The following PTPRK variants were observed in gnomAD, a reference collection of about 807,000 sequenced individuals.
The protein encoded by PTPRK is protein tyrosine phosphatase receptor type K.
In PTPRK, 75 loss-of-function variants were observed where a neutral mutation model predicts 178.0. The ratio of observed to expected loss-of-function variants is 0.42; its 90% CI spans 0.35 to 0.51. The LOEUF is 0.51. Among genes scored for constraint, PTPRK ranks in the 20% least tolerant of loss-of-function variants. PTPRK has a pLI of 0.02. For missense variants in PTPRK, 1,441 were observed against 1,797.8 expected, an observed-to-expected ratio of 0.80 and a Z score of 3.59; for synonymous variants, 637 against 620.6, an observed-to-expected ratio of 1.03 and a Z score of -0.39.
In PTPRK at chr6:128,202,332, C is replaced by A. The variant is rs115615770; in HGVS notation, c.868+16590G>T. Among the ~76,000 whole-genome samples the A allele has an allele frequency of 5.9e-3, 904 of 152,294 alleles. 7 individuals carry two copies. Among genetic ancestry groups the A allele is most frequent in the African/African-American group, 0.021 (872 of 41,562 alleles). ...ACGCTTCTCCCGTAAATATTTGCAACCTGCAGATCAGGAGATCCCCTTGTA... is the reference window on the plus strand; with the variant it reads ...ACGCTTCTCCCGTAAATATTTGCAAACTGCAGATCAGGAGATCCCCTTGTA... On this transcript the variant is annotated intron_variant, in intron 6 of 29. Transcript: ENST00000368226.
intron 7 of PTPRK, among the ~76,000 whole-genome samples, chr6:128,139,013 A>G (rs1193647171): frequency 8.5e-5 from 13 of 152,134 alleles, no homozygotes; most frequent in African/African-American, 2.9e-4. Flanking sequence ...GGAATCTATC[A>G]GTGAAAGTTC....
chr6:128,496,550 G>C (rs1854686699), intron 1 of PTPRK, among the ~76,000 whole-genome samples: 1 of 152,174 alleles, frequency 6.6e-6, no homozygotes, highest in Admixed American at 6.5e-5. Context: ...TTAAGACCTT[G>C]AGATGTGAGA....
intron 1 of PTPRK, among the ~76,000 whole-genome samples, chr6:128,429,233 A>T (rs749127717): frequency 5.9e-5 from 9 of 152,212 alleles, no homozygotes; most frequent in Non-Finnish European, 1.2e-4. Context: ...CGAAATTCTT[A>T]GAATTCTATG....
intron 6 of PTPRK, among the ~76,000 whole-genome samples, chr6:128,213,576 C>G (rs553231456): frequency 1.3e-5 from 2 of 152,044 alleles, no homozygotes; most frequent in African/African-American, 4.8e-5. Flanking sequence ...AAAGGGATCT[C>G]AAGTCACCAT....
intron 1 of PTPRK, among the ~76,000 whole-genome samples, chr6:128,479,641 T>A (rs1478698040): frequency 6.6e-6 from 1 of 152,124 alleles, no homozygotes; most frequent in African/African-American, 2.4e-5. Context: ...TTCACTTGGA[T>A]AGATGGTAAA....
intron 2 of PTPRK, among the ~76,000 whole-genome samples, chr6:128,391,508 T>G (rs1486667656): frequency 6.6e-6 from 1 of 152,192 alleles, no homozygotes; most frequent in Non-Finnish European, 1.5e-5. Context: ...CAGAACTTTA[T>G]TCTACCAATC....
chr6:128,232,111 T>C (rs1434868219), intron 5 of PTPRK: 2 of 152,310 alleles, frequency 1.3e-5, no homozygotes, highest in East Asian at 3.9e-4. Flanking sequence ...ATGGTGAACC[T>C]TCCACTTCAG....
intron 7 of PTPRK, among the ~76,000 whole-genome samples, chr6:128,126,901 A>G (rs899171280): frequency 6.6e-6 from 1 of 152,234 alleles, no homozygotes; most frequent in Non-Finnish European, 1.5e-5. Flanking sequence ...TTGCATTGCC[A>G]CTAGCAATAA....
chr6:128,189,736 T>C (rs1264277089), intron 6 of PTPRK, among the ~76,000 whole-genome samples: 4 of 152,150 alleles, frequency 2.6e-5, no homozygotes. Flanking sequence ...TGTTTCTTTA[T>C]AATTTCCCTC....
intron 6 of PTPRK, among the ~76,000 whole-genome samples, chr6:128,216,263 G>A (rs1809268026): frequency 6.6e-6 from 1 of 152,086 alleles, no homozygotes; most frequent in Admixed American, 6.6e-5. Flanking sequence ...AAGGCCGGGA[G>A]TGGTGGCTCA....
intron 3 of PTPRK, among the ~76,000 whole-genome samples, chr6:128,298,442 T>A (rs1340395515): frequency 1.4e-5 from 2 of 145,080 alleles, no homozygotes; most frequent in African/African-American, 2.8e-5. Context: ...ACCAATATCC[T>A]TGATGAACAT....
At chr6:128,093,392 G>C (rs1159585497) in intron 7 of PTPRK, among the ~76,000 whole-genome samples, 1 of 151,656 alleles carries the variant, frequency 6.6e-6, no homozygotes, top group Non-Finnish European at 1.5e-5. Flanking sequence ...TCAGGAGCTC[G>C]AGACCAGCAT....
chr6:127,973,595 C>A, intron 28 of PTPRK, 69 bp downstream of exon 28: 1 of 1,570,458 alleles, frequency 6.4e-7, no homozygotes, highest in Non-Finnish European at 8.7e-7. Flanking sequence ...GCCAGATAGT[C>A]TTTAACATTG....
chr6:128,504,690 G>A (rs867447598), intron 1 of PTPRK, among the ~76,000 whole-genome samples: 3 of 152,094 alleles, frequency 2.0e-5, no homozygotes, highest in South Asian at 4.1e-4. Context: ...CAATATCTGC[G>A]CTCACCTTTC....
chr6:128,150,017 T>G (rs1161905554), intron 7 of PTPRK, among the ~76,000 whole-genome samples: 1 of 152,162 alleles, frequency 6.6e-6, no homozygotes, highest in Non-Finnish European at 1.5e-5. Flanking sequence ...ATCATTCTAC[T>G]GGATGATGAA....
intron 1 of PTPRK, among the ~76,000 whole-genome samples, chr6:128,466,987 C>A (rs1317398169): frequency 6.6e-6 from 1 of 152,038 alleles, no homozygotes; most frequent in Admixed American, 6.6e-5. Flanking sequence ...ATGCTTATAT[C>A]AAGGCAGACA....
chr6:128,468,790 G>A (rs1402786543), intron 1 of PTPRK, among the ~76,000 whole-genome samples: 5 of 151,968 alleles, frequency 3.3e-5, no homozygotes, highest in Admixed American at 3.3e-4. Context: ...GCTTTAGTCA[G>A]AGATTTCTCT....
chr6:128,066,735 T>TAAATAAAA (rs1252962740), intron 12 of PTPRK, among the ~76,000 whole-genome samples: 2 of 147,506 alleles, frequency 1.4e-5, no homozygotes, highest in African/African-American at 5.2e-5. Flanking sequence ...AATAAATAAA[T>TAAATAAAA]AAAAATAAGT....
intron 1 of PTPRK, among the ~76,000 whole-genome samples, chr6:128,479,843 CTA>C (rs1358291454): frequency 6.6e-6 from 1 of 152,136 alleles, no homozygotes; most frequent in East Asian, 1.9e-4. Context: ...AATAAGCACT[CTA>C]TTCTTATAAT....
Sources: allele counts gnomAD v4.1 joint callset (sites outside exome capture counted in the v4.1 genomes callset), GRCh38; gene constraint gnomAD v4.1.1; transcripts MANE v1.5; gene names NCBI Gene and HGNC (gene_info 2026-07-23, HGNC 2026-07-21).